GLMN: variants seen among roughly 807,000 people sequenced by gnomAD.
GLMN encodes glomulin, FKBP associated protein, also known as glomulin.
GLMN carries 75 observed loss-of-function variants against 87.8 expected under a neutral mutation model. That is an observed-to-expected ratio of 0.85 (90% CI 0.71 to 1.04). The LOEUF is 1.04. Among genes scored for constraint, GLMN ranks in the 50% least tolerant of loss-of-function variants. The pLI is 0.00. For synonymous variants in GLMN, 206 were observed against 221.6 expected (o/e 0.93, Z 0.63); for missense variants, 588 against 658.8 (o/e 0.89, Z 1.18).
At chr1:92,273,693 T>C (rs2100942256) in intron 7 of GLMN, among the ~76,000 whole-genome samples, 1 of 152,116 alleles carries the variant, frequency 6.6e-6, no homozygotes, top group South Asian at 2.1e-4. Flanking sequence ...TGGGCTTAAG[T>C]GATCTGCCCA....
rs563200839 is a variant in GLMN, at chr1:92,273,441, G to GTT, written c.736-1791_736-1790dup. ...GTTTTTTCCAGAGTAAGGTAGCCCT[G>GTT]TTTTTTTTTTTTTTTTTTTTGGCGA... On this transcript the variant is annotated intron_variant, in intron 7 of 18. Coordinates refer to ENST00000370360, the MANE Select transcript of GLMN (RefSeq NM_053274.3). Among the ~76,000 whole-genome samples the GTT allele has an allele frequency of 5.8e-3, 633 of 109,402 alleles. 19 individuals carry two copies. Among genetic ancestry groups the GTT allele is most frequent in the Middle Eastern group, 0.01 (2 of 192 alleles). 71.8% of individuals were successfully genotyped at this position (109,402 alleles called of 152,430 possible). A position where few individuals can be genotyped will look rare whatever the true frequency, so the allele number is the denominator to read the frequency against.
At chr1:92,320,589 C>T in the GLMN span, 1 of 1,609,922 alleles carries the variant, frequency 6.2e-7, no homozygotes, top group Non-Finnish European at 8.5e-7. Context: ...TTTCTGTGTT[C>T]TTATTACAGG....
chr1:92,274,776 C>T (rs1570919559), intron 7 of GLMN, among the ~76,000 whole-genome samples: 1 of 152,284 alleles, frequency 6.6e-6, no homozygotes, highest in East Asian at 1.9e-4. Flanking sequence ...ACTCCAATAT[C>T]CCATTTTCTG....
At chr1:92,310,594 T>A in the GLMN span, among the ~76,000 whole-genome samples, 4 of 152,116 alleles carry the variant, frequency 2.6e-5, no homozygotes, top group Non-Finnish European at 5.9e-5. Flanking sequence ...ATCATAATTT[T>A]AAAATAATAA....
chr1:92,277,867 G>C (rs1647473317), intron 7 of GLMN, among the ~76,000 whole-genome samples: 1 of 152,104 alleles, frequency 6.6e-6, no homozygotes, highest in Admixed American at 6.5e-5. Flanking sequence ...AGCCAATCTA[G>C]CAAATTAATC....
At chr1:92,341,496 GA>G in the GLMN span, among the ~76,000 whole-genome samples, 1 of 152,116 alleles carries the variant, frequency 6.6e-6, no homozygotes, top group Admixed American at 6.6e-5. Flanking sequence ...GAAATGAAAT[GA>G]AATGAAAGCA....
At chr1:92,361,367 A>C in the GLMN span, among the ~76,000 whole-genome samples, 3 of 152,172 alleles carry the variant, frequency 2.0e-5, no homozygotes, top group East Asian at 5.8e-4. Context: ...TCTAGCACTT[A>C]GTAAGCATTC....
chr1:92,351,309 A>AAAAAAAAAAAAAAC, the GLMN span, among the ~76,000 whole-genome samples: 1 of 136,804 alleles, frequency 7.3e-6, no homozygotes, highest in African/African-American at 3.2e-5. Flanking sequence ...CTGTCTCAAA[A>AAAAAAAAAAAAAAC]AAAAAAAAAA....
chr1:92,263,563 G>A lies in GLMN; in HGVS notation c.1409+60C>T, dbSNP rs1557524531. The A allele has an allele frequency of 1.4e-5, 11 of 811,530 alleles. No individual in the cohort carries two copies. In the South Asian group the frequency reaches 1.5e-4, roughly 11 times the overall value. The allele number at this position is 811,530 out of a possible 1,614,324, so 50.3% of individuals were successfully genotyped here. On this transcript the variant is annotated intron_variant, in intron 15 of 18. Transcript: ENST00000370360. Reference sequence around the variant, plus strand: ...CATTTTATTACTTTAGGTTCCCTAAGCAGATGTTTCACATTTTATTCTGAA... The same window carrying A: ...CATTTTATTACTTTAGGTTCCCTAAACAGATGTTTCACATTTTATTCTGAA...
chr1:92,286,745 C>T (rs1648800273), intron 6 of GLMN, among the ~76,000 whole-genome samples, 153 bp from the exon 7 acceptor site: 1 of 152,184 alleles, frequency 6.6e-6, no homozygotes, highest in Non-Finnish European at 1.5e-5. Flanking sequence ...TGAAATTTAA[C>T]TGCCATAAGG....
the GLMN span, among the ~76,000 whole-genome samples, chr1:92,361,301 A>C: frequency 6.6e-6 from 1 of 152,238 alleles, no homozygotes; most frequent in Admixed American, 6.5e-5. Flanking sequence ...CATAATCTCC[A>C]TGCAGTCAAA....
intron 16 of GLMN, among the ~76,000 whole-genome samples, chr1:92,261,159 T>A (rs955515556): frequency 6.6e-6 from 1 of 152,232 alleles, no homozygotes; most frequent in African/African-American, 2.4e-5. Context: ...TCAATTTTTA[T>A]CACAAGCTCC....
the GLMN span, among the ~76,000 whole-genome samples, chr1:92,333,643 C>T: frequency 6.6e-6 from 1 of 151,834 alleles, no homozygotes; most frequent in Non-Finnish European, 1.5e-5. Context: ...ATATTTTATC[C>T]AAGAAATACA....
chr1:92,266,982 A>G (rs1655715448), intron 11 of GLMN, among the ~76,000 whole-genome samples: 1 of 152,236 alleles, frequency 6.6e-6, no homozygotes. Flanking sequence ...ATAATTTTCA[A>G]TTATGTCTAC....
chr1:92,322,095 G>A, the GLMN span, among the ~76,000 whole-genome samples: 4 of 150,798 alleles, frequency 2.7e-5, no homozygotes, highest in Non-Finnish European at 3.0e-5. Context: ...ACAGGCATGC[G>A]CCACCACTCC....
Position 92,290,210 on chromosome 1 carries a change from G to C in GLMN, c.382C>G (p.Pro128Ala). The change falls in exon 5 of 19, where the codon CCA becomes GCA. Residue 128 changes from proline to alanine, a missense_variant. By Grantham distance (27) the Pro-to-Ala change is conservative (BLOSUM62 -1). Coordinates refer to ENST00000370360, the MANE Select transcript of GLMN (RefSeq NM_053274.3). ...ISQSILLLLQ[P>A]LQTVIQKLHN... The stretch of plus-strand genomic sequence containing the variant: ...AAATTCTCATTACCTGTTTGTAATG[G>C]CTGAAGCAAAAGAAGAATACTTTGG... 1 of 1,584,902 alleles carries C rather than the reference G, an allele frequency of 6.3e-7. No homozygotes were observed.
chr1:92,261,733 T>A (rs1655064758), intron 16 of GLMN, among the ~76,000 whole-genome samples: 1 of 151,792 alleles, frequency 6.6e-6, no homozygotes, highest in African/African-American at 2.4e-5. Context: ...AAATATTTAA[T>A]CAATGTAATG....
At chr1:92,272,972 CA>C (rs1656401004) in intron 7 of GLMN, among the ~76,000 whole-genome samples, 1 of 151,758 alleles carries the variant, frequency 6.6e-6, no homozygotes, top group Non-Finnish European at 1.5e-5. Flanking sequence ...AGCAGCTCCA[CA>C]AAAAAAGCGT....
At chr1:92,309,566 TAC>T in the GLMN span, among the ~76,000 whole-genome samples, 307 of 24,796 alleles carry the variant, frequency 0.012, no homozygotes, top group Non-Finnish European at 0.021. Flanking sequence ...CACATACACA[TAC>T]ACATATACAT....
Sources: gnomAD v4.1 joint callset for allele counts (sites outside exome capture counted in the v4.1 genomes callset) on GRCh38, gnomAD v4.1.1 for gene constraint, MANE v1.5 for transcripts, NCBI Gene and HGNC (gene_info 2026-07-23, HGNC 2026-07-21) for gene names.